The following CPE variants were observed in gnomAD, a reference collection of about 807,000 sequenced individuals.
CPE encodes the protein carboxypeptidase E, also known as carbocypeptidase E.
In CPE, 17 loss-of-function variants were observed where a neutral mutation model predicts 53.5. The ratio of observed to expected loss-of-function variants is 0.32; its 90% CI spans 0.22 to 0.48. The LOEUF is 0.48. CPE is among the 20% of genes least tolerant of loss of function. The probability of loss-of-function intolerance (pLI) is 0.99; values close to 1 mark genes in which losing one functional copy is unlikely to be tolerated. For synonymous variants in CPE, 226 were observed against 228.8 expected, an observed-to-expected ratio of 0.99 and a Z score of 0.11; for missense variants, 524 against 614.7, an observed-to-expected ratio of 0.85 and a Z score of 1.56.
chr4:165,497,505 CT>C lies in CPE; in HGVS notation c.1333-3del. On this transcript the variant is annotated splice_region_variant and splice_polypyrimidine_tract_variant and intron_variant, in intron 8 of 8. Coordinates refer to ENST00000402744, the MANE Select transcript of CPE (RefSeq NM_001873.4). ...GATAATAATATGTTCTTGATTTTCTCTTTTAGGTTGATTTTGAACTGGAGTC... is the reference window on the plus strand; with the variant it reads ...GATAATAATATGTTCTTGATTTTCTCTTTAGGTTGATTTTGAACTGGAGTC... The C allele has an allele frequency of 6.7e-7, 1 of 1,501,474 alleles. No individual in the cohort carries two copies. The allele number at this position is 1,501,474 out of a possible 1,614,324, so 93.0% of individuals were successfully genotyped here.
At chr4:165,383,710 T>C (rs17489039) in intron 1 of CPE, among the ~76,000 whole-genome samples, 8,244 of 152,296 alleles carry the variant, frequency 0.054, 269 homozygotes, top group South Asian at 0.078. Flanking sequence ...GCTGGCAAAG[T>C]TTCCACACAA....
chr4:165,397,219 A>T (rs144367699), intron 1 of CPE, among the ~76,000 whole-genome samples: 7 of 152,284 alleles, frequency 4.6e-5, no homozygotes, highest in South Asian at 2.1e-4. Flanking sequence ...AATGTACTAT[A>T]TATTATTGCT....
intron 1 of CPE, among the ~76,000 whole-genome samples, chr4:165,460,840 A>C (rs1731985923): frequency 6.6e-6 from 1 of 152,164 alleles, no homozygotes; most frequent in Admixed American, 6.5e-5. Flanking sequence ...GTGGGGGCAC[A>C]GGTGACACAC....
chr4:165,467,608 G>C (rs957327788), intron 2 of CPE, 80 bp from the exon 3 acceptor site: 1 of 1,319,434 alleles, frequency 7.6e-7, no homozygotes, highest in Non-Finnish European at 1.0e-6. Flanking sequence ...ATTTTAAAGA[G>C]CATTGATAGG....
intron 1 of CPE, among the ~76,000 whole-genome samples, chr4:165,423,930 G>A (rs1358015415): frequency 6.6e-6 from 1 of 151,324 alleles, no homozygotes; most frequent in African/African-American, 2.4e-5. Context: ...TACTGAGAAT[G>A]ATGATTTCCA....
intron 1 of CPE, among the ~76,000 whole-genome samples, chr4:165,397,427 G>A (rs1730786113): frequency 1.3e-5 from 2 of 152,150 alleles, no homozygotes; most frequent in African/African-American, 4.8e-5. Flanking sequence ...TGTATATATA[G>A]CTACATTCTT....
intron 3 of CPE, among the ~76,000 whole-genome samples, chr4:165,469,526 T>G (rs1295422228): frequency 1.3e-5 from 2 of 152,178 alleles, no homozygotes; most frequent in African/African-American, 4.8e-5. Context: ...TCAGATGAGT[T>G]GCTGCTCCAA....
In CPE at chr4:165,462,829, G is replaced by A. The variant is rs147662026; in HGVS notation, c.308-1561G>A. Among the ~76,000 whole-genome samples, 524 of 152,260 alleles carry A rather than the reference G, an allele frequency of 3.4e-3. 2 individuals are homozygous for A. The highest frequency in any genetic ancestry group is 0.012 in the African/African-American group (491 of 41,540). ...TTAGATTAAGATTAGCATAAGCTCA[G>A]GCTGAGAGGTCACCACAAGGTCATA... On this transcript the variant is annotated intron_variant, in intron 1 of 8. Coordinates refer to ENST00000402744, the MANE Select transcript of CPE (RefSeq NM_001873.4).
At chr4:165,480,564 T>A (rs1461119237) in intron 3 of CPE, among the ~76,000 whole-genome samples, 1 of 152,216 alleles carries the variant, frequency 6.6e-6, no homozygotes, top group Non-Finnish European at 1.5e-5. Context: ...AGTGGCCTCA[T>A]GCTGTTCCCT....
intron 1 of CPE, among the ~76,000 whole-genome samples, chr4:165,389,694 C>T (rs60818887): frequency 0.017 from 2,520 of 152,226 alleles, 61 homozygotes; most frequent in African/African-American, 0.057. Flanking sequence ...ATAAATTAAG[C>T]TCTGTAAAAT....
At chr4:165,388,015 A>G (rs1730624203) in intron 1 of CPE, among the ~76,000 whole-genome samples, 1 of 152,232 alleles carries the variant, frequency 6.6e-6, no homozygotes, top group Non-Finnish European at 1.5e-5. Flanking sequence ...AACTCCTCAT[A>G]TGTTCAGATC....
At chr4:165,445,182 A>G (rs1376302512) in intron 1 of CPE, among the ~76,000 whole-genome samples, 3 of 152,102 alleles carry the variant, frequency 2.0e-5, no homozygotes. Flanking sequence ...TCTCGAACTC[A>G]TGACCTCATG....
chr4:165,422,310 T>G (rs3943704), intron 1 of CPE, among the ~76,000 whole-genome samples: 44,659 of 151,418 alleles, frequency 0.29, 6,644 homozygotes, highest in Middle Eastern at 0.39. Flanking sequence ...ATCTCATTTA[T>G]TATTTTTTAA....
intron 1 of CPE, among the ~76,000 whole-genome samples, chr4:165,432,843 GT>G (rs1560880639): frequency 6.6e-6 from 1 of 152,058 alleles, no homozygotes; most frequent in Non-Finnish European, 1.5e-5. Flanking sequence ...GTTATTCCAG[GT>G]GCCTCCTTAT....
At chr4:165,405,146 T>C in intron 1 of CPE, 1 of 765,360 alleles carries the variant, frequency 1.3e-6, no homozygotes, top group Admixed American at 1.8e-5. Context: ...ATTCAATCCT[T>C]TGAACACTTG....
chr4:165,440,455 C>T (rs182147766), intron 1 of CPE, among the ~76,000 whole-genome samples: 3 of 134,416 alleles, frequency 2.2e-5, no homozygotes. Context: ...CACAACCCCA[C>T]CCCCCCCCAC....
chr4:165,467,317 T>C (rs916906710), intron 2 of CPE, among the ~76,000 whole-genome samples: 2 of 152,218 alleles, frequency 1.3e-5, no homozygotes, highest in Admixed American at 6.5e-5. Flanking sequence ...AGTGAGACCC[T>C]GTCTCTTAGA....
At chr4:165,462,081 AT>A (rs1732017796) in intron 1 of CPE, among the ~76,000 whole-genome samples, 1 of 151,996 alleles carries the variant, frequency 6.6e-6, no homozygotes, top group African/African-American at 2.4e-5. Flanking sequence ...ATTGGGGGAG[AT>A]TTTTCCTGAG....
At chr4:165,381,554 A>G (rs1730505249) in intron 1 of CPE, 1 of 266,752 alleles carries the variant, frequency 3.7e-6, no homozygotes, top group Non-Finnish European at 7.5e-6. Context: ...TCCTTTTTAA[A>G]TGAAGGAGAC....
Sources: allele counts gnomAD v4.1 joint callset (sites outside exome capture counted in the v4.1 genomes callset), GRCh38; gene constraint gnomAD v4.1.1; transcripts MANE v1.5; gene names NCBI Gene and HGNC (gene_info 2026-07-23, HGNC 2026-07-21).